KCNQ1: variants seen among roughly 807,000 people sequenced by gnomAD.
KCNQ1 encodes the protein potassium voltage-gated channel subfamily Q member 1.
A neutral mutation model predicts 72.4 loss-of-function variants in KCNQ1; 49 were observed. The ratio of observed to expected loss-of-function variants is 0.68; its 90% CI spans 0.54 to 0.86. The LOEUF (loss-of-function observed/expected upper bound fraction) is 0.86, where lower values mean the gene tolerates loss of function less well. Ranked by LOEUF, KCNQ1 falls within the 40% of genes least tolerant of loss-of-function variation. KCNQ1 has a pLI of 0.00. For missense variants in KCNQ1, 790 were observed against 945.1 expected (o/e 0.84, Z 2.15); for synonymous variants, 450 against 412.6 (o/e 1.09, Z -1.10).
intron 1 of KCNQ1, among the ~76,000 whole-genome samples, chr11:2,476,205 A>G (rs1055841422): frequency 6.6e-6 from 1 of 152,224 alleles, no homozygotes; most frequent in Admixed American, 6.5e-5. Context: ...TTGATCATAT[A>G]CTAGACTGCA....
chr11:2,533,009 A>C (rs1260701946), intron 2 of KCNQ1, among the ~76,000 whole-genome samples: 4 of 152,130 alleles, frequency 2.6e-5, no homozygotes, highest in Admixed American at 1.3e-4. Flanking sequence ...CCCGCCAAGG[A>C]GTGCTGAGCG....
chr11:2,733,814 A>ACACACACACACACT, intron 11 of KCNQ1, among the ~76,000 whole-genome samples: 9 of 86,636 alleles, frequency 1.0e-4, no homozygotes, highest in East Asian at 9.5e-4. Context: ...ACACACACAC[A>ACACACACACACACT]CTCTCTCACT....
intron 2 of KCNQ1, among the ~76,000 whole-genome samples, chr11:2,568,166 A>G (rs943073715): frequency 6.6e-6 from 1 of 152,092 alleles, no homozygotes; most frequent in Non-Finnish European, 1.5e-5. Context: ...CCAGCTACTC[A>G]GGAGGCTGAG....
At chr11:2,794,585 T>TA in intron 15 of KCNQ1, among the ~76,000 whole-genome samples, 1 of 152,196 alleles carries the variant, frequency 6.6e-6, no homozygotes, top group Middle Eastern at 3.4e-3. Flanking sequence ...TGCTGGACCT[T>TA]AAAGACACAA....
Position 2,653,213 on chromosome 11 carries a change from G to A in KCNQ1, c.1394-8748G>A, listed in dbSNP as rs1004296596. The A allele has an allele frequency of 3.0e-5, 12 of 398,726 alleles. No individual in the cohort carries two copies. Among genetic ancestry groups the A allele is most frequent in the Middle Eastern group, 6.3e-4 (1 of 1,592 alleles). 24.7% of individuals were successfully genotyped at this position (398,726 alleles called of 1,614,324 possible). On this transcript the variant is annotated intron_variant, in intron 10 of 15. Transcript: ENST00000155840. The surrounding 1 kb of genome is among the most constrained non-coding windows in gnomAD (Gnocchi z 5.3). ...TGTGCTGTTGCAGGGCTAGGGCCAG[G>A]GCCTTGGCCTCAGGCCAGCTTCTTT... is the stretch of plus-strand genomic sequence containing the variant.
chr11:2,814,807 T>G (rs1847581659), intron 15 of KCNQ1, among the ~76,000 whole-genome samples: 1 of 152,182 alleles, frequency 6.6e-6, no homozygotes, highest in African/African-American at 2.4e-5. Flanking sequence ...CTCTGCCTGC[T>G]GGGCAGACCA....
At chr11:2,643,545 C>T (rs1048499295) in intron 10 of KCNQ1, 2 of 398,308 alleles carry the variant, frequency 5.0e-6, no homozygotes, top group Non-Finnish European at 4.4e-6. Context: ...TGTGTCTTTA[C>T]AGGTGAGATG....
intron 11 of KCNQ1, among the ~76,000 whole-genome samples, chr11:2,731,675 A>C (rs966667597): frequency 6.6e-6 from 1 of 152,204 alleles, no homozygotes; most frequent in African/African-American, 2.4e-5. Flanking sequence ...AGCAGCGCAC[A>C]CAGGAGGGCC....
At chr11:2,733,774 C>CCACACACACACACACACACACACA (rs144399150) in intron 11 of KCNQ1, among the ~76,000 whole-genome samples, 36 of 57,540 alleles carry the variant, frequency 6.3e-4, no homozygotes, top group African/African-American at 9.2e-4. Context: ...TTCAGGCCTT[C>CCACACACACACACACACACACACA]CACACACACA....
In KCNQ1 at chr11:2,447,020, C is replaced by A. The variant is rs556347176; in HGVS notation, c.386+1536C>A. On this transcript the variant is annotated intron_variant, in intron 1 of 15. Coordinates refer to ENST00000155840, the MANE Select transcript of KCNQ1 (RefSeq NM_000218.3). The surrounding 1 kb of genome is among the most constrained non-coding windows in gnomAD (Gnocchi z 7.6). ...TCTGAGATGTCCAAGGGTGGGAAGA[C>A]CTCCTCAGCCAGAGGCCAAGGCAAA... is the stretch of plus-strand genomic sequence containing the variant. 2.6e-5 allele frequency among the ~76,000 whole-genome samples: 4 copies of A among 152,216 alleles called. No individual in the cohort carries two copies. The highest frequency in any genetic ancestry group is 9.7e-5 in the African/African-American group (4 of 41,450).
At chr11:2,606,388 T>C (rs778077343) in intron 10 of KCNQ1, among the ~76,000 whole-genome samples, 1 of 152,178 alleles carries the variant, frequency 6.6e-6, no homozygotes, top group East Asian at 1.9e-4. Flanking sequence ...GTCTGGATCA[T>C]GGACGGAGCC....
chr11:2,759,423 G>A lies in KCNQ1; in HGVS notation c.1515-9421G>A, dbSNP rs1221331869. On this transcript the variant is annotated intron_variant, in intron 11 of 15. Coordinates refer to ENST00000155840, the MANE Select transcript of KCNQ1 (RefSeq NM_000218.3). This position sits in a 1 kb window ranked among gnomAD's most constrained non-coding sequence, Gnocchi z 4.4. ...TCACAAGCCTGCATGTGTGCAGAGG[G>A]CAGGGGTCCCCAGGGGATGTTCCTT... 6.6e-6 allele frequency among the ~76,000 whole-genome samples: 1 copy of A among 152,146 alleles called. No homozygotes were observed. Among genetic ancestry groups the A allele is most frequent in the African/African-American group, 2.4e-5 (1 of 41,418 alleles).
At chr11:2,628,914 T>C (rs1849306293) in intron 10 of KCNQ1, 1 of 398,414 alleles carries the variant, frequency 2.5e-6, no homozygotes, top group Non-Finnish European at 4.4e-6. Flanking sequence ...TGTCAAAGAT[T>C]AGTTGACCAT....
At chr11:2,665,608 C>T (rs906030383) in intron 11 of KCNQ1, 9 of 397,166 alleles carry the variant, frequency 2.3e-5, no homozygotes, top group African/African-American at 1.9e-4. Flanking sequence ...CCAGGACACA[C>T]TTAGGCTGTA....
chr11:2,794,309 G>T (rs1847087687), intron 15 of KCNQ1, among the ~76,000 whole-genome samples: 1 of 152,244 alleles, frequency 6.6e-6, no homozygotes, highest in African/African-American at 2.4e-5. Flanking sequence ...CCGAGCTTCT[G>T]CTGTGAGCCC....
At chr11:2,513,141 C>T (rs1847236870) in intron 1 of KCNQ1, among the ~76,000 whole-genome samples, 1 of 152,134 alleles carries the variant, frequency 6.6e-6, no homozygotes, top group South Asian at 2.1e-4. Context: ...GGGGGGAATC[C>T]TGACCCTGTG....
intron 11 of KCNQ1, among the ~76,000 whole-genome samples, chr11:2,705,020 G>A (rs546579518): frequency 6.6e-6 from 1 of 152,190 alleles, no homozygotes; most frequent in East Asian, 1.9e-4. Flanking sequence ...GCTACCCAAG[G>A]CCCAGGGAGA....
At chr11:2,732,348 C>T (rs1419843559) in intron 11 of KCNQ1, among the ~76,000 whole-genome samples, 4 of 152,198 alleles carry the variant, frequency 2.6e-5, no homozygotes, top group Non-Finnish European at 5.9e-5. Flanking sequence ...CCCTCGGGGC[C>T]AGAGCCACTC....
intron 11 of KCNQ1, among the ~76,000 whole-genome samples, chr11:2,753,224 G>A (rs945945786): frequency 6.6e-6 from 1 of 152,192 alleles, no homozygotes; most frequent in African/African-American, 2.4e-5. Flanking sequence ...AGGCGGGGGA[G>A]TCACGAGATC....
Sources: allele counts gnomAD v4.1 joint callset (sites outside exome capture counted in the v4.1 genomes callset), GRCh38; gene constraint gnomAD v4.1.1; non-coding constraint Gnocchi (gnomAD v3.1); transcripts MANE v1.5; gene names NCBI Gene and HGNC (gene_info 2026-07-23, HGNC 2026-07-21).